Variants in CMIP observed in about 807,000 individuals in gnomAD.
CMIP encodes C-Maf-inducing protein.
In CMIP, 13 loss-of-function variants were observed where a neutral mutation model predicts 97.3. The ratio of observed to expected loss-of-function variants is 0.13; its 90% CI spans 0.09 to 0.21. CMIP has a LOEUF of 0.21. Among genes scored for constraint, CMIP ranks in the 10% least tolerant of loss-of-function variants. The pLI, the probability that CMIP is intolerant of heterozygous loss-of-function variation, is 1.00. For synonymous variants in CMIP, 538 were observed against 436.3 expected, an observed-to-expected ratio of 1.23 and a Z score of -2.91; for missense variants, 847 against 1,024.9, an observed-to-expected ratio of 0.83 and a Z score of 2.37.
intron 14 of CMIP, among the ~76,000 whole-genome samples, chr16:81,699,182 C>T (rs112163614): frequency 2.6e-5 from 4 of 151,954 alleles, no homozygotes; most frequent in East Asian, 1.9e-4. Flanking sequence ...TGAACCCAAG[C>T]GGCAGAGGTT....
At position 81,701,794 on chromosome 16, in the gene CMIP, G is replaced by A. The variant is rs569572760; in HGVS notation, c.1890G>A (p.Lys630=). ...EQLCDRQREL[K]ELQRKGGPTR... ...TGTGTGACCGGCAGCGGGAGCTGAA[G>A]GAGCTGGTGAGTCCCCGGCTGCTCC... Residue 630 remains lysine (K), a synonymous_variant, in exon 16 of 21, where the codon AAG becomes AAA. Coordinates refer to ENST00000537098, the MANE Select transcript of CMIP (RefSeq NM_198390.3). The A allele has an allele frequency of 1.9e-6, 3 of 1,613,618 alleles. No individual in the cohort carries two copies. In the African/African-American group the frequency reaches 4.0e-5, roughly 21 times the overall value.
At chr16:81,550,592 G>A (rs924494666) in intron 1 of CMIP, among the ~76,000 whole-genome samples, 1 of 152,164 alleles carries the variant, frequency 6.6e-6, no homozygotes, top group Non-Finnish European at 1.5e-5. Flanking sequence ...GTGGCCTGGG[G>A]TCACATGGCT....
rs894172717 is a variant in CMIP at position 81,474,522 on chromosome 16, C to G, written c.300+28981C>G. Among the ~76,000 whole-genome samples, 5 of 152,316 alleles carry G rather than the reference C, an allele frequency of 3.3e-5. No homozygotes were observed. In the East Asian group the frequency reaches 9.6e-4, roughly 29 times the overall value. ...TTCTCCCTACCTTCAGACCACACCT[C>G]TGGTGGGAGGTGCTGCGTGAGGATC... On this transcript the variant is annotated intron_variant, in intron 1 of 20. Coordinates refer to ENST00000537098, the MANE Select transcript of CMIP (RefSeq NM_198390.3).
At chr16:81,526,008 CTG>C (rs10531791) in intron 1 of CMIP, among the ~76,000 whole-genome samples, 124,654 of 148,108 alleles carry the variant, frequency 0.84, 51,692 homozygotes, top group African/African-American at 0.91. Flanking sequence ...GTGTGTGTGT[CTG>C]TGTGTGTGTG....
intron 3 of CMIP, among the ~76,000 whole-genome samples, chr16:81,633,268 C>T (rs2092189562): frequency 6.6e-6 from 1 of 152,190 alleles, no homozygotes; most frequent in South Asian, 2.1e-4. Flanking sequence ...AGTGGAGGCC[C>T]CTGAGCTGGG....
chr16:81,515,375 C>G (rs1281136146), intron 1 of CMIP, among the ~76,000 whole-genome samples: 1 of 152,148 alleles, frequency 6.6e-6, no homozygotes, highest in Non-Finnish European at 1.5e-5. Context: ...AACACAAGGT[C>G]TGTGTTGGAG....
rs549422079 is a variant in CMIP, at chr16:81,614,554, T to C, written c.427-6322T>C. Among the ~76,000 whole-genome samples the C allele has an allele frequency of 3.9e-5, 6 of 152,254 alleles. No individual in the cohort carries two copies. In the South Asian group the frequency reaches 8.3e-4, roughly 21 times the overall value. On this transcript the variant is annotated intron_variant, in intron 2 of 20. Transcript: ENST00000537098. This position sits in a 1 kb window ranked among gnomAD's most constrained non-coding sequence, Gnocchi z 5.3. ...TGCATTGGTTTCCCCAGTGGAAATGTGGCAGTGGAGGAAAGGTTGGGTTAG... is the reference window on the plus strand; with the variant it reads ...TGCATTGGTTTCCCCAGTGGAAATGCGGCAGTGGAGGAAAGGTTGGGTTAG...
intron 1 of CMIP, among the ~76,000 whole-genome samples, chr16:81,485,579 G>A (rs535840395): frequency 7.9e-5 from 12 of 152,302 alleles, no homozygotes; most frequent in African/African-American, 2.9e-4. Context: ...CCCTTCTGAT[G>A]TCCCTCCCGA....
rs891762141 is a variant in CMIP at position 81,614,617 on chromosome 16, A to G, written c.427-6259A>G. Among the ~76,000 whole-genome samples, 1 of 152,142 alleles carries G rather than the reference A, an allele frequency of 6.6e-6. No homozygotes were observed. Among genetic ancestry groups the G allele is most frequent in the Non-Finnish European group, 1.5e-5 (1 of 68,004 alleles). The stretch of plus-strand genomic sequence containing the variant: ...AAGCCGTGGTCCATGGTAGATTCCA[A>G]AACTACCTGCACAGTCCTGCGTGTG... On this transcript the variant is annotated intron_variant, in intron 2 of 20. Coordinates refer to ENST00000537098, the MANE Select transcript of CMIP (RefSeq NM_198390.3). The surrounding 1 kb of genome is among the most constrained non-coding windows in gnomAD (Gnocchi z 5.3).
rs191926724 is a variant in CMIP at position 81,550,576 on chromosome 16, C to T, written c.301-56991C>T. Among the ~76,000 whole-genome samples the T allele has an allele frequency of 1.7e-3, 258 of 152,300 alleles. 1 individual carries two copies. The highest frequency in any genetic ancestry group is 6.0e-3 in the African/African-American group (249 of 41,558). On this transcript the variant is annotated intron_variant, in intron 1 of 20. Transcript: ENST00000537098. Reference sequence around the variant, plus strand: ...CTATGTGGCTTCCACCCTCTGTGCTCTAGGTGTGGCCTGGGGTCACATGGC... The same window carrying T: ...CTATGTGGCTTCCACCCTCTGTGCTTTAGGTGTGGCCTGGGGTCACATGGC...
intron 3 of CMIP, chr16:81,645,847 C>T (rs1046502112): frequency 1.8e-6 from 1 of 556,378 alleles, no homozygotes; most frequent in Non-Finnish European, 3.2e-6. Context: ...TATATTATCT[C>T]ATGAAATAGT....
chr16:81,593,633 C>T (rs190359421), intron 1 of CMIP, among the ~76,000 whole-genome samples: 2 of 152,160 alleles, frequency 1.3e-5, no homozygotes, highest in African/African-American at 2.4e-5. Flanking sequence ...TGAAAGTAAT[C>T]GCCTCCGTGT....
chr16:81,540,941 A>G (rs539002186), intron 1 of CMIP, among the ~76,000 whole-genome samples: 2 of 149,670 alleles, frequency 1.3e-5, no homozygotes, highest in African/African-American at 4.9e-5. Flanking sequence ...CTGCTTCCCA[A>G]AGTGCTGGGA....
intron 11 of CMIP, among the ~76,000 whole-genome samples, chr16:81,692,102 G>C (rs1906149990): frequency 6.6e-6 from 1 of 152,160 alleles, no homozygotes; most frequent in African/African-American, 2.4e-5. Context: ...GGATTCATGA[G>C]CTAAGAATGC....
chr16:81,489,282 G>A (rs1358954057), intron 1 of CMIP, among the ~76,000 whole-genome samples: 1 of 152,224 alleles, frequency 6.6e-6, no homozygotes, highest in Non-Finnish European at 1.5e-5. Flanking sequence ...ACTTCTATGT[G>A]CACAGGAGAG....
At chr16:81,583,224 A>G (rs1235983198) in intron 1 of CMIP, among the ~76,000 whole-genome samples, 3 of 152,130 alleles carry the variant, frequency 2.0e-5, no homozygotes, top group African/African-American at 4.8e-5. Context: ...TTGTCTCCCT[A>G]TTGACGGCGA....
At chr16:81,520,973 C>T (rs942438602) in intron 1 of CMIP, among the ~76,000 whole-genome samples, 3 of 152,176 alleles carry the variant, frequency 2.0e-5, no homozygotes, top group Non-Finnish European at 2.9e-5. Context: ...TTTAAATTAG[C>T]GGTGGCATGT....
intron 1 of CMIP, among the ~76,000 whole-genome samples, chr16:81,488,242 C>T (rs2089350587): frequency 6.6e-6 from 1 of 152,092 alleles, no homozygotes; most frequent in Non-Finnish European, 1.5e-5. Context: ...GGGTTAAGGG[C>T]TCATATTCCA....
At chr16:81,685,009 C>T (rs913220807) in intron 10 of CMIP, among the ~76,000 whole-genome samples, 1 of 152,208 alleles carries the variant, frequency 6.6e-6, no homozygotes, top group Non-Finnish European at 1.5e-5. Context: ...GGTCCTGTGC[C>T]GAGGCCCGTC....
Sources: allele counts gnomAD v4.1 joint callset (sites outside exome capture counted in the v4.1 genomes callset), GRCh38; gene constraint gnomAD v4.1.1; non-coding constraint Gnocchi (gnomAD v3.1); transcripts MANE v1.5; gene names NCBI Gene and HGNC (gene_info 2026-07-23, HGNC 2026-07-21).